The following CNKSR2 variants were observed in gnomAD, a reference collection of about 807,000 sequenced individuals.
CNKSR2 encodes the protein connector enhancer of kinase suppressor of Ras 2.
Under a neutral mutation model 84.4 loss-of-function variants are expected in CNKSR2, and 14 were observed. That is an observed-to-expected ratio of 0.17 (90% CI 0.11 to 0.26). The LOEUF is 0.26. CNKSR2 is among the 10% of genes least tolerant of loss of function. The pLI, the probability that CNKSR2 is intolerant of heterozygous loss-of-function variation, is 1.00. For missense variants in CNKSR2, 485 were observed against 771.2 expected (o/e 0.63, Z 4.40); for synonymous variants, 275 against 277.9 (o/e 0.99, Z 0.10).
intron 10 of CNKSR2, among the ~76,000 whole-genome samples, chrX:21,528,180 A>T (rs2147116784): frequency 9.0e-6 from 1 of 111,166 alleles, no homozygotes; most frequent in African/African-American, 3.2e-5. Context: ...AAATATACAA[A>T]TCCATCCAAT....
In CNKSR2 at chrX:21,403,155, C is replaced by T. The variant is rs771752842; in HGVS notation, c.65-23342C>T. On this transcript the variant is annotated intron_variant, in intron 1 of 21. Transcript: ENST00000379510. The stretch of plus-strand genomic sequence containing the variant: ...GTATTTCTAGGGAAAATTTCACATA[C>T]AATAGGAAAATTTTCTTCTAACATG... Among the ~76,000 whole-genome samples, 4 of 110,899 alleles carry T rather than the reference C, an allele frequency of 3.6e-5. No individual in the cohort carries two copies. In the South Asian group the frequency reaches 1.5e-3, roughly 43 times the overall value.
chrX:21,573,626 G>A (rs1405401893), intron 13 of CNKSR2, among the ~76,000 whole-genome samples: 1 of 112,082 alleles, frequency 8.9e-6, no homozygotes, highest in Non-Finnish European at 1.9e-5. Flanking sequence ...CTGAAGCCAT[G>A]GCCCAACCTA....
chrX:21,405,078 A>G (rs1414453915), intron 1 of CNKSR2, among the ~76,000 whole-genome samples: 1 of 111,318 alleles, frequency 9.0e-6, no homozygotes, highest in Non-Finnish European at 1.9e-5. Flanking sequence ...TGCTATCTGA[A>G]TGGCAAGTTT....
chrX:21,398,566 A>G (rs1446220856), intron 1 of CNKSR2, among the ~76,000 whole-genome samples: 1 of 112,011 alleles, frequency 8.9e-6, no homozygotes, highest in Non-Finnish European at 1.9e-5. Context: ...GTCAAAGATA[A>G]AATAACACTT....
Position 21,609,158 on chromosome X carries a change from T to G in CNKSR2, c.2233T>G (p.Phe745Val). Reference protein sequence around the residue: ...TSQSQSSHEEFRQEVTGSSAV... With the variant: ...TSQSQSSHEEVRQEVTGSSAV... ...TCAGTCTCAGTCTTCTCATGAGGAG[T>G]TTCGCCAGGAAGTAACTGGGAGCAG... Residue 745 changes from phenylalanine to valine, a missense_variant, in exon 20 of 22, where the codon TTT becomes GTT. Physicochemically the swap from Phe to Val is conservative, Grantham distance 50. Coordinates refer to ENST00000379510, the MANE Select transcript of CNKSR2 (RefSeq NM_014927.5). The G allele has an allele frequency of 8.3e-7, 1 of 1,210,878 alleles. No individual in the cohort carries two copies. Among genetic ancestry groups the G allele is most frequent in the Non-Finnish European group, 1.1e-6 (1 of 895,220 alleles).
intron 21 of CNKSR2, 134 bp downstream of exon 21, chrX:21,649,161 G>T: frequency 2.2e-6 from 1 of 451,115 alleles, no homozygotes; most frequent in Non-Finnish European, 3.8e-6. Flanking sequence ...ACTTGAAGCT[G>T]AGCTATTTCT....
intron 17 of CNKSR2, among the ~76,000 whole-genome samples, chrX:21,598,969 C>A (rs73451497): frequency 8.9e-6 from 1 of 112,630 alleles, no homozygotes; most frequent in Admixed American, 9.4e-5. Flanking sequence ...TAAGTTTATC[C>A]AAGATAGCAC....
intron 5 of CNKSR2, among the ~76,000 whole-genome samples, chrX:21,479,725 T>C (rs1184215832): frequency 9.0e-6 from 1 of 110,677 alleles, no homozygotes; most frequent in Non-Finnish European, 1.9e-5. Flanking sequence ...CTTCATTGGG[T>C]TGCATAGATC....
At chrX:21,509,276 C>G (rs148243677) in intron 8 of CNKSR2, among the ~76,000 whole-genome samples, 3,311 of 111,803 alleles carry the variant, frequency 0.03, 125 homozygotes, top group African/African-American at 0.1. Flanking sequence ...TCTTATTTCA[C>G]TGGATAAGTG....
chrX:21,462,881 T>G (rs144574645), intron 4 of CNKSR2, among the ~76,000 whole-genome samples: 4,146 of 109,471 alleles, frequency 0.038, 73 homozygotes, highest in Non-Finnish European at 0.042. Context: ...ACCCGGCTAA[T>G]TTTTTAGTAG....
At chrX:21,398,664 C>T (rs1020105989) in intron 1 of CNKSR2, among the ~76,000 whole-genome samples, 11 of 111,800 alleles carry the variant, frequency 9.8e-5, no homozygotes, top group African/African-American at 3.6e-4. Context: ...CATTGGCAGC[C>T]GCCTGGGCTC....
intron 5 of CNKSR2, among the ~76,000 whole-genome samples, chrX:21,485,996 G>A (rs1416775844): frequency 9.0e-6 from 1 of 111,043 alleles, no homozygotes; most frequent in Non-Finnish European, 1.9e-5. Context: ...GTAGCCGGGC[G>A]TGGTGGCGTG....
rs1335659603 is a variant in CNKSR2, at chrX:21,586,797, A to T, written c.1609-3775A>T. Among the ~76,000 whole-genome samples the T allele has an allele frequency of 1.4e-4, 16 of 111,809 alleles. No homozygotes were observed. The Admixed American group carries it at 1.5e-3, about 11-fold the overall frequency. On this transcript the variant is annotated intron_variant, in intron 13 of 21. Coordinates refer to ENST00000379510, the MANE Select transcript of CNKSR2 (RefSeq NM_014927.5). ...GATAAGATAAACTTTAGATTAGATT[A>T]GATACAATCAGTGAAAGAATTAGGA...
At chrX:21,642,865 A>T (rs531381153) in intron 20 of CNKSR2, 2 of 738,513 alleles carry the variant, frequency 2.7e-6, no homozygotes. Flanking sequence ...GATCTGCCTT[A>T]CAATTGCCTC....
At chrX:21,641,493 A>G (rs1195087106) in intron 20 of CNKSR2, 1 of 1,166,184 alleles carries the variant, frequency 8.6e-7, no homozygotes, top group South Asian at 1.9e-5. Flanking sequence ...TGGCACTCGC[A>G]GGTCTTTCAT....
chrX:21,450,644 A>G (rs1009701566), intron 4 of CNKSR2, among the ~76,000 whole-genome samples: 1 of 111,841 alleles, frequency 8.9e-6, no homozygotes, highest in African/African-American at 3.2e-5. Context: ...ATTTGATTTT[A>G]GTTTTGCTTT....
chrX:21,403,779 A>G (rs201165387), intron 1 of CNKSR2, among the ~76,000 whole-genome samples: 87 of 111,930 alleles, frequency 7.8e-4, no homozygotes, highest in African/African-American at 2.6e-3. Context: ...TCTTACTATT[A>G]ATAAGTATCT....
chrX:21,426,752 T>G, intron 2 of CNKSR2, 92 bp downstream of exon 2: 1 of 992,499 alleles, frequency 1.0e-6, no homozygotes, highest in Non-Finnish European at 1.4e-6. Flanking sequence ...ATAATCGAAA[T>G]GCAAATAGAA....
Position 21,426,569 on chromosome X carries a change from G to A in CNKSR2, c.137G>A (p.Arg46His), listed in dbSNP as rs771705122. Residue 46 changes from arginine to histidine, a missense_variant, in exon 2 of 22, where the codon CGC (arginine) becomes CAC (histidine). Arg to His is a conservative substitution (Grantham distance 29). Transcript: ENST00000379510. ...REKISGDQLLRITHQELEDLG... is the reference protein window; with the variant it reads ...REKISGDQLLHITHQELEDLG... ...AAGATCAGTGGGGACCAGCTGCTGC[G>A]CATTACACATCAGGAGCTAGAAGAT... 28 of 1,206,150 alleles carry A rather than the reference G, an allele frequency of 2.3e-5. No individual in the cohort carries two copies. The highest frequency in any genetic ancestry group is 6.0e-5 in the East Asian group (2 of 33,556).
Sources: allele counts gnomAD v4.1 joint callset (sites outside exome capture counted in the v4.1 genomes callset), GRCh38; gene constraint gnomAD v4.1.1; transcripts MANE v1.5; gene names NCBI Gene and HGNC (gene_info 2026-07-23, HGNC 2026-07-21).